PLXNA4: variants seen among roughly 807,000 people sequenced by gnomAD.
PLXNA4 encodes plexin A4, also known as plexin-A4.
In PLXNA4, 44 loss-of-function variants were observed where a neutral mutation model predicts 191.8. The ratio of observed to expected loss-of-function variants is 0.23; its 90% confidence interval spans 0.18 to 0.29. The LOEUF is 0.29. Ranked by LOEUF, PLXNA4 falls within the 10% of genes least tolerant of loss-of-function variation. The pLI is 1.00. For synonymous variants in PLXNA4, 1,082 were observed against 1,009.5 expected (o/e 1.07, Z -1.36); for missense variants, 1,800 against 2,488.8 (o/e 0.72, Z 5.89).
chr7:132,221,411 A>G (rs1485061506), intron 9 of PLXNA4, among the ~76,000 whole-genome samples: 4 of 152,194 alleles, frequency 2.6e-5, no homozygotes, highest in Admixed American at 2.6e-4. Context: ...GAAGCTGAGG[A>G]CCACTTTGTC....
intron 3 of PLXNA4, among the ~76,000 whole-genome samples, chr7:132,363,816 C>T (rs1804045390): frequency 6.6e-6 from 1 of 152,220 alleles, no homozygotes; most frequent in Admixed American, 6.5e-5. Flanking sequence ...GTTTGAAAAA[C>T]TTTATAGAGA....
In PLXNA4 at chr7:132,148,634, C is replaced by A; in HGVS notation, c.4673G>T (p.Gly1558Val). 6.2e-7 allele frequency: 1 copy of A among 1,614,188 alleles called. No individual in the cohort carries two copies. Among genetic ancestry groups the A allele is most frequent in the Middle Eastern group, 1.6e-4 (1 of 6,062 alleles). ...CTGCAAGATCATCCTTGCCCCACTT[C>A]CTTGTCGCCACTCTGCCAAAAGAGC... is the stretch of plus-strand genomic sequence containing the variant. Reference protein sequence around the residue: ...AADMDLEWRQGSGARMILQDE... With the variant: ...AADMDLEWRQVSGARMILQDE... Residue 1558 changes from glycine to valine, a missense_variant, in exon 26 of 32, where the codon GGA becomes GTA. By Grantham distance (109) the Gly-to-Val change is moderately radical. Transcript: ENST00000321063.
chr7:132,562,883 T>C (rs1269639827), intron 1 of PLXNA4, among the ~76,000 whole-genome samples: 13 of 42,408 alleles, frequency 3.1e-4, no homozygotes, highest in Admixed American at 6.0e-4. Context: ...TCCTCTTCTT[T>C]CTCTGCCTCC....
intron 2 of PLXNA4, among the ~76,000 whole-genome samples, chr7:132,583,592 T>C (rs1041211846): frequency 6.6e-6 from 1 of 152,180 alleles, no homozygotes; most frequent in Non-Finnish European, 1.5e-5. Context: ...GGAGTGCCTA[T>C]GCAAAGCAGA....
At chr7:132,615,352 G>C (rs777821143) in intron 2 of PLXNA4, among the ~76,000 whole-genome samples, 11 of 152,166 alleles carry the variant, frequency 7.2e-5, no homozygotes, top group Non-Finnish European at 1.6e-4. Flanking sequence ...CCCCACTCGC[G>C]TCCTGTCTGC....
chr7:132,125,195 G>GTGTC lies in PLXNA4; in HGVS notation c.*5280_*5283dup, dbSNP rs147339859. 0.016 allele frequency: 2,410 copies of GTGTC among 152,304 alleles called. 68 individuals are homozygous for GTGTC. Among genetic ancestry groups the GTGTC allele is most frequent in the African/African-American group, 0.055 (2,295 of 41,546 alleles). The allele number at this position is 152,304 out of a possible 1,614,324, so 9.4% of individuals were successfully genotyped here. ...AGTGTCCCAGCCTCATTCGGGAGCT[G>GTGTC]TGTCAGTGTTACCTGAGGCTGTGTC... On this transcript the variant is annotated 3_prime_UTR_variant, in exon 32 of 32. Coordinates refer to ENST00000321063, the MANE Select transcript of PLXNA4 (RefSeq NM_020911.2).
chr7:132,191,973 A>T (rs557979903), intron 14 of PLXNA4, among the ~76,000 whole-genome samples: 6 of 152,238 alleles, frequency 3.9e-5, no homozygotes, highest in African/African-American at 1.4e-4. Flanking sequence ...TACAAATCCT[A>T]AACAAATAAG....
intron 3 of PLXNA4, among the ~76,000 whole-genome samples, chr7:132,430,910 G>T (rs540389584): frequency 6.6e-6 from 1 of 152,338 alleles, no homozygotes; most frequent in South Asian, 2.1e-4. Flanking sequence ...CGGCCACACC[G>T]CTGGGTGAAG....
intron 3 of PLXNA4, among the ~76,000 whole-genome samples, chr7:132,301,439 A>G (rs1034155976): frequency 6.6e-6 from 1 of 152,028 alleles, no homozygotes; most frequent in Non-Finnish European, 1.5e-5. Flanking sequence ...AAATCTCAGA[A>G]CTCAGTAAAG....
chr7:132,180,993 C>T (rs1390125207), intron 18 of PLXNA4, among the ~76,000 whole-genome samples: 1 of 152,214 alleles, frequency 6.6e-6, no homozygotes, highest in Non-Finnish European at 1.5e-5. Flanking sequence ...GAGTTGGAGT[C>T]AGTCACTACC....
chr7:132,310,769 C>T (rs983194662), intron 3 of PLXNA4, among the ~76,000 whole-genome samples: 1 of 152,236 alleles, frequency 6.6e-6, no homozygotes, highest in Non-Finnish European at 1.5e-5. Flanking sequence ...GCCCTAGGTT[C>T]TTCCCCTGCA....
At chr7:132,432,752 T>C (rs1795314321) in intron 3 of PLXNA4, among the ~76,000 whole-genome samples, 1 of 152,216 alleles carries the variant, frequency 6.6e-6, no homozygotes, top group Non-Finnish European at 1.5e-5. Flanking sequence ...AAAAATCTCA[T>C]CTAATTTTTA....
intron 3 of PLXNA4, among the ~76,000 whole-genome samples, chr7:132,330,900 A>C (rs1802565197): frequency 6.6e-6 from 1 of 152,154 alleles, no homozygotes; most frequent in Admixed American, 6.5e-5. Context: ...TTTCTAAATA[A>C]AGAAGGCTGA....
At chr7:132,637,184 T>C (rs1803626451) in intron 2 of PLXNA4, among the ~76,000 whole-genome samples, 1 of 152,110 alleles carries the variant, frequency 6.6e-6, no homozygotes, top group Non-Finnish European at 1.5e-5. Context: ...CTATTCCTCA[T>C]CCCCCATTCC....
chr7:132,434,407 G>A (rs2288977), intron 3 of PLXNA4, among the ~76,000 whole-genome samples: 4,408 of 152,262 alleles, frequency 0.029, 268 homozygotes, highest in East Asian at 0.28. Flanking sequence ...GGGCAGAGAG[G>A]TAGGTGAACA....
intron 12 of PLXNA4, among the ~76,000 whole-genome samples, chr7:132,201,401 G>C (rs1797429203): frequency 6.6e-6 from 1 of 152,136 alleles, no homozygotes; most frequent in Admixed American, 6.5e-5. Flanking sequence ...CAACTATTAG[G>C]CATCACACAA....
chr7:132,610,927 G>C (rs1245252469), intron 2 of PLXNA4, among the ~76,000 whole-genome samples: 2 of 152,172 alleles, frequency 1.3e-5, no homozygotes, highest in Non-Finnish European at 2.9e-5. Flanking sequence ...CCGTGGAGCA[G>C]TTCCTTGTCT....
chr7:132,179,589 G>T (rs932839157), intron 20 of PLXNA4, 98 bp downstream of exon 20: 1 of 1,503,830 alleles, frequency 6.6e-7, no homozygotes, highest in Non-Finnish European at 8.9e-7. Flanking sequence ...CTGCTTGTTT[G>T]TATATGAAAC....
At chr7:132,536,442 A>G (rs1799835533) in intron 1 of PLXNA4, among the ~76,000 whole-genome samples, 1 of 152,226 alleles carries the variant, frequency 6.6e-6, no homozygotes, top group Admixed American at 6.5e-5. Context: ...ACTGACACAT[A>G]GAGGTCTCAA....
Sources: allele counts gnomAD v4.1 joint callset (sites outside exome capture counted in the v4.1 genomes callset), GRCh38; gene constraint gnomAD v4.1.1; transcripts MANE v1.5; gene names NCBI Gene and HGNC (gene_info 2026-07-23, HGNC 2026-07-21).